The following LIPA variants were observed in gnomAD, a reference collection of about 807,000 sequenced individuals.
LIPA encodes lipase A, lysosomal acid type, also known as lysosomal acid lipase/cholesteryl ester hydrolase.
LIPA carries 26 observed loss-of-function variants against 40.6 expected under a neutral mutation model. The ratio of observed to expected loss-of-function variants is 0.64; its 90% CI spans 0.47 to 0.89. The LOEUF is 0.89. Among genes scored for constraint, LIPA ranks in the 40% least tolerant of loss-of-function variants. LIPA has a pLI of 0.00. For missense variants in LIPA, 455 were observed against 479.6 expected, an observed-to-expected ratio of 0.95 and a Z score of 0.48; for synonymous variants, 188 against 168.4, an observed-to-expected ratio of 1.12 and a Z score of -0.90.
intron 1 of LIPA, among the ~76,000 whole-genome samples, chr10:89,281,028 T>A (rs1227606886): frequency 6.6e-6 from 1 of 152,226 alleles, no homozygotes; most frequent in African/African-American, 2.4e-5. Flanking sequence ...ACAGAGGAAA[T>A]AATAAATAAC....
intron 1 of LIPA, among the ~76,000 whole-genome samples, chr10:89,280,723 A>T (rs2133497907): frequency 6.6e-6 from 1 of 152,316 alleles, no homozygotes. Flanking sequence ...CTAAAGATAG[A>T]ATGTGTGAGG....
chr10:89,339,128 GT>G, intron 1 of LIPA: 1 of 1,614,140 alleles, frequency 6.2e-7, no homozygotes, highest in African/African-American at 1.3e-5. Flanking sequence ...GCGAAGGTGT[GT>G]TTTGAGAAGG....
intron 1 of LIPA, among the ~76,000 whole-genome samples, chr10:89,249,575 C>CA (rs904725441): frequency 3.3e-5 from 5 of 150,008 alleles, no homozygotes; most frequent in Non-Finnish European, 7.4e-5. Flanking sequence ...GGAAGGAACA[C>CA]AAAAAAATAT....
At chr10:89,403,207 G>C in intron 2 of LIPA, 1 of 1,614,168 alleles carries the variant, frequency 6.2e-7, no homozygotes, top group Non-Finnish European at 8.5e-7. Flanking sequence ...GGGCAGCCTA[G>C]AGGGCAGAAC....
At chr10:89,231,288 T>C (rs771745182) in intron 3 of LIPA, among the ~76,000 whole-genome samples, 2 of 152,210 alleles carry the variant, frequency 1.3e-5, no homozygotes, top group Non-Finnish European at 1.5e-5. Flanking sequence ...ATAGATTTGA[T>C]AACTAGCAAA....
At chr10:89,227,405 T>C (rs1252058112) in intron 4 of LIPA, among the ~76,000 whole-genome samples, 1 of 152,238 alleles carries the variant, frequency 6.6e-6, no homozygotes, top group Admixed American at 6.5e-5. Flanking sequence ...AGTTTCCTGT[T>C]TTCCGTTGTT....
chr10:89,344,057 C>T (rs1843895480), upstream of LIPA, among the ~76,000 whole-genome samples: 1 of 152,098 alleles, frequency 6.6e-6, no homozygotes, highest in Admixed American at 6.6e-5. Flanking sequence ...CCTCTGTGAC[C>T]CTAAGATATT....
chr10:89,379,196 T>C (rs1364498867), intron 2 of LIPA, among the ~76,000 whole-genome samples: 10 of 152,364 alleles, frequency 6.6e-5, no homozygotes, highest in Admixed American at 4.6e-4. Context: ...GTGATTACTA[T>C]GAAATTTGCT....
intron 2 of LIPA, among the ~76,000 whole-genome samples, chr10:89,372,025 A>G (rs1205533131): frequency 6.6e-6 from 1 of 152,178 alleles, no homozygotes; most frequent in African/African-American, 2.4e-5. Context: ...GACACAAAGA[A>G]GGGAACAACA....
intron 2 of LIPA, among the ~76,000 whole-genome samples, chr10:89,377,143 G>A (rs1465625850): frequency 6.6e-6 from 1 of 152,156 alleles, no homozygotes; most frequent in Admixed American, 6.5e-5. Context: ...TGCTAATTGT[G>A]TGGGCAATTA....
chr10:89,359,091 C>T (rs899338538), intron 2 of LIPA, among the ~76,000 whole-genome samples: 2 of 152,108 alleles, frequency 1.3e-5, no homozygotes, highest in African/African-American at 4.8e-5. Flanking sequence ...GGTGAGCTGC[C>T]CTTTTGTCCA....
intron 1 of LIPA, among the ~76,000 whole-genome samples, chr10:89,330,797 A>T (rs1843642456): frequency 6.6e-6 from 1 of 152,190 alleles, no homozygotes; most frequent in Non-Finnish European, 1.5e-5. Flanking sequence ...AGCTCCATAA[A>T]TAAAGGGGAA....
At chr10:89,324,916 C>T (rs1183272281) in intron 1 of LIPA, among the ~76,000 whole-genome samples, 1 of 152,018 alleles carries the variant, frequency 6.6e-6, no homozygotes, top group Non-Finnish European at 1.5e-5. Flanking sequence ...TTTTCTTTAC[C>T]CAGTCTATTG....
intron 9 of LIPA, among the ~76,000 whole-genome samples, chr10:89,215,498 C>G (rs935788394): frequency 6.6e-6 from 1 of 152,222 alleles, no homozygotes; most frequent in Non-Finnish European, 1.5e-5. Context: ...GTTTACATCA[C>G]AGAGATGCTC....
chr10:89,385,458 A>G (rs1156350388), intron 2 of LIPA, among the ~76,000 whole-genome samples: 7 of 152,212 alleles, frequency 4.6e-5, no homozygotes, highest in African/African-American at 1.4e-4. Flanking sequence ...TGGGACAATA[A>G]GAATCATTTT....
At chr10:89,235,886 A>G (rs1220795502) in intron 3 of LIPA, among the ~76,000 whole-genome samples, 1 of 152,208 alleles carries the variant, frequency 6.6e-6, no homozygotes, top group Non-Finnish European at 1.5e-5. Flanking sequence ...CTGAATAAAT[A>G]ATGGTCCCTG....
intron 1 of LIPA, among the ~76,000 whole-genome samples, chr10:89,299,120 A>T (rs1843431150): frequency 6.6e-6 from 1 of 151,898 alleles, no homozygotes; most frequent in African/African-American, 2.4e-5. Context: ...CAGGATATGA[A>T]TGAGAAATTT....
chr10:89,386,165 G>C (rs1410268231), intron 2 of LIPA, among the ~76,000 whole-genome samples: 1 of 152,128 alleles, frequency 6.6e-6, no homozygotes, highest in Non-Finnish European at 1.5e-5. Flanking sequence ...TCAGCCACCT[G>C]AGTAGCCAAA....
chr10:89,331,858 C>CAA (rs10540155), intron 1 of LIPA, among the ~76,000 whole-genome samples: 47 of 80,168 alleles, frequency 5.9e-4, no homozygotes, highest in East Asian at 7.5e-4. Context: ...GATCCTGTCT[C>CAA]AAAAAAAAAA....
Sources: allele counts gnomAD v4.1 joint callset (sites outside exome capture counted in the v4.1 genomes callset), GRCh38; gene constraint gnomAD v4.1.1; transcripts MANE v1.5; gene names NCBI Gene and HGNC (gene_info 2026-07-23, HGNC 2026-07-21).